Variants in FBXL7 observed in about 807,000 individuals in gnomAD.
FBXL7 encodes F-box/LRR-repeat protein 7.
FBXL7 carries 12 observed loss-of-function variants against 38.3 expected under a neutral mutation model. That is an observed-to-expected ratio of 0.31 (90% CI 0.20 to 0.51). The LOEUF (loss-of-function observed/expected upper bound fraction) is 0.51, where lower values mean the gene tolerates loss of function less well. Among genes scored for constraint, FBXL7 ranks in the 20% least tolerant of loss-of-function variants. FBXL7 has a pLI of 0.98. For synonymous variants in FBXL7, 297 were observed against 300.9 expected (o/e 0.99, Z 0.13); for missense variants, 567 against 676.4 (o/e 0.84, Z 1.79).
chr5:15,666,129 A>G (rs1029599241), intron 2 of FBXL7, among the ~76,000 whole-genome samples: 7 of 152,222 alleles, frequency 4.6e-5, no homozygotes, highest in Admixed American at 3.3e-4. Flanking sequence ...TAAAGTTGGT[A>G]TCGATTCATA....
chr5:15,734,921 G>T (rs4582274), intron 2 of FBXL7, among the ~76,000 whole-genome samples: 83,377 of 151,496 alleles, frequency 0.55, 23,032 homozygotes, highest in East Asian at 0.67. Context: ...CAACATGGAG[G>T]CTCTGAAGTT....
At chr5:15,767,424 G>A (rs1321144962) in intron 2 of FBXL7, among the ~76,000 whole-genome samples, 1 of 152,194 alleles carries the variant, frequency 6.6e-6, no homozygotes, top group Admixed American at 6.5e-5. Flanking sequence ...TCTGCAGGAG[G>A]CATAGTCTTT....
At chr5:15,685,107 A>G (rs2126614893) in intron 2 of FBXL7, among the ~76,000 whole-genome samples, 1 of 152,172 alleles carries the variant, frequency 6.6e-6, no homozygotes, top group East Asian at 1.9e-4. Flanking sequence ...GTGTCCATCT[A>G]CCTGATAGAC....
At chr5:15,842,649 G>A (rs935266241) in intron 2 of FBXL7, among the ~76,000 whole-genome samples, 1 of 152,174 alleles carries the variant, frequency 6.6e-6, no homozygotes, top group Admixed American at 6.5e-5. Context: ...GGTGGGGCCA[G>A]GTGGAGATAA....
At chr5:15,523,616 G>T (rs1056118001) in intron 1 of FBXL7, among the ~76,000 whole-genome samples, 2 of 152,034 alleles carry the variant, frequency 1.3e-5, no homozygotes, top group Non-Finnish European at 2.9e-5. Flanking sequence ...TTTCACGTGG[G>T]GCTCCTCTTT....
At chr5:15,515,478 C>T (rs780238719) in intron 1 of FBXL7, among the ~76,000 whole-genome samples, 15 of 152,146 alleles carry the variant, frequency 9.9e-5, no homozygotes, top group Non-Finnish European at 1.9e-4. Context: ...TTGCCTGATC[C>T]GTTTGCTCAA....
At chr5:15,882,202 T>A (rs2126337110) in intron 2 of FBXL7, among the ~76,000 whole-genome samples, 1 of 152,276 alleles carries the variant, frequency 6.6e-6, no homozygotes, top group South Asian at 2.1e-4. Flanking sequence ...CATTTTAATA[T>A]GAGATTTGGG....
chr5:15,688,564 C>G (rs946957522), intron 2 of FBXL7, among the ~76,000 whole-genome samples: 1 of 152,150 alleles, frequency 6.6e-6, no homozygotes, highest in Non-Finnish European at 1.5e-5. Context: ...TGCTCTTGAC[C>G]ACTCCATGGT....
chr5:15,720,873 A>G (rs1307471336), intron 2 of FBXL7, among the ~76,000 whole-genome samples: 3 of 152,030 alleles, frequency 2.0e-5, no homozygotes, highest in Non-Finnish European at 2.9e-5. Context: ...TGGTAGTGCA[A>G]ATTATTTGTT....
At chr5:15,561,453 C>T (rs1163707045) in intron 1 of FBXL7, among the ~76,000 whole-genome samples, 1 of 152,150 alleles carries the variant, frequency 6.6e-6, no homozygotes, top group Non-Finnish European at 1.5e-5. Flanking sequence ...CATCTTTATG[C>T]ATTCATCCGC....
At chr5:15,854,375 C>T (rs1739191582) in intron 2 of FBXL7, among the ~76,000 whole-genome samples, 3 of 152,102 alleles carry the variant, frequency 2.0e-5, no homozygotes, top group Admixed American at 6.5e-5. Context: ...TGTTAGCCAT[C>T]ATATTAATTA....
chr5:15,754,349 G>C (rs1047241843), intron 2 of FBXL7, among the ~76,000 whole-genome samples: 3 of 152,158 alleles, frequency 2.0e-5, no homozygotes, highest in African/African-American at 7.2e-5. Flanking sequence ...ATGGTTTTAG[G>C]ATGGCCCAAA....
At chr5:15,855,427 A>G (rs376256249) in intron 2 of FBXL7, among the ~76,000 whole-genome samples, 4 of 152,258 alleles carry the variant, frequency 2.6e-5, no homozygotes, top group East Asian at 1.9e-4. Context: ...GACACAGTGG[A>G]CACCCATACT....
intron 2 of FBXL7, among the ~76,000 whole-genome samples, chr5:15,621,530 T>C (rs1740641417): frequency 6.6e-6 from 1 of 152,146 alleles, no homozygotes; most frequent in Non-Finnish European, 1.5e-5. Context: ...CAGCAGAGCA[T>C]GTTGAGTAGA....
At chr5:15,531,863 C>A (rs1737441746) in intron 1 of FBXL7, among the ~76,000 whole-genome samples, 1 of 152,200 alleles carries the variant, frequency 6.6e-6, no homozygotes, top group Admixed American at 6.5e-5. Context: ...TTATATGCTT[C>A]CTCTTCTTGC....
chr5:15,647,533 T>A (rs2126565162), intron 2 of FBXL7, among the ~76,000 whole-genome samples: 1 of 152,304 alleles, frequency 6.6e-6, no homozygotes, highest in Non-Finnish European at 1.5e-5. Flanking sequence ...GGAGTGCTAA[T>A]CCAGGACTAA....
At chr5:15,735,114 G>A (rs1735712216) in intron 2 of FBXL7, among the ~76,000 whole-genome samples, 2 of 152,088 alleles carry the variant, frequency 1.3e-5, no homozygotes. Flanking sequence ...TGTATTTTTA[G>A]TAGAAACAGA....
chr5:15,635,487 A>G (rs766729327), intron 2 of FBXL7, among the ~76,000 whole-genome samples: 6 of 152,134 alleles, frequency 3.9e-5, no homozygotes, highest in African/African-American at 9.7e-5. Flanking sequence ...AGTGACCCTG[A>G]TTTCAGGGAG....
At chr5:15,731,305 G>A (rs890248856) in intron 2 of FBXL7, among the ~76,000 whole-genome samples, 2 of 152,330 alleles carry the variant, frequency 1.3e-5, no homozygotes, top group South Asian at 2.1e-4. Flanking sequence ...CACAATCATG[G>A]TGAAGGCAAG....
Sources: allele counts gnomAD v4.1 joint callset (sites outside exome capture counted in the v4.1 genomes callset), GRCh38; gene constraint gnomAD v4.1.1; transcripts MANE v1.5; gene names NCBI Gene and HGNC (gene_info 2026-07-23, HGNC 2026-07-21).